The following SMC4 variants were observed in gnomAD, a reference collection of about 807,000 sequenced individuals.
SMC4 encodes structural maintenance of chromosomes 4, also known as structural maintenance of chromosomes protein 4.
A neutral mutation model predicts 145.6 loss-of-function variants in SMC4; 87 were observed. The ratio of observed to expected loss-of-function variants is 0.60; its 90% confidence interval spans 0.50 to 0.71. The LOEUF is 0.71. Ranked by LOEUF, SMC4 falls within the 30% of genes least tolerant of loss-of-function variation. The pLI, the probability that SMC4 is intolerant of heterozygous loss-of-function variation, is 0.00. For synonymous variants in SMC4, 558 were observed against 500.7 expected, an observed-to-expected ratio of 1.11 and a Z score of -1.53; for missense variants, 1,447 against 1,537.1, an observed-to-expected ratio of 0.94 and a Z score of 0.98.
chr3:160,405,314 T>C (rs1715206273), intron 5 of SMC4, among the ~76,000 whole-genome samples: 2 of 109,902 alleles, frequency 1.8e-5, no homozygotes, highest in Non-Finnish European at 3.9e-5. Context: ...ATTCAGAATT[T>C]TTCGGAAAAA....
chr3:160,430,619 ACT>A lies in SMC4; in HGVS notation c.2819_2820del (p.Ser940CysfsTer12), dbSNP rs766133356. ...TTTAGAAACCTTCAAAAGGCACAAG[ACT>A]CTGTCTTGCGTACAGAGAAAGAAAT... On this transcript the variant is annotated frameshift_variant, in exon 19 of 24. Transcript: ENST00000357388. LOFTEE classifies it high-confidence loss of function. 4.4e-6 allele frequency: 7 copies of A among 1,609,160 alleles called. No individual in the cohort carries two copies. Among genetic ancestry groups the A allele is most frequent in the South Asian group, 1.1e-5 (1 of 90,000 alleles).
chr3:160,414,513 A>G lies in SMC4; in HGVS notation c.1268A>G (p.Glu423Gly), dbSNP rs752869736. ...GAGAAACAACTTCAAAAAGATAAAG[A>G]AAAGGTAGGTGTTAGAAAAAAATTC... Reference protein sequence around the residue: ...KLEKQLQKDKEKVEEFKSIPA... With the variant: ...KLEKQLQKDKGKVEEFKSIPA... The change falls in exon 9 of 24, where the codon GAA (glutamate) becomes GGA (glycine). Residue 423 changes from glutamate (E) to glycine (G), a missense_variant. Physicochemically the swap from Glu to Gly is moderately conservative, Grantham distance 98. Transcript: ENST00000357388. 9.9e-6 allele frequency: 16 copies of G among 1,610,344 alleles called. No individual in the cohort carries two copies. The South Asian group carries it at 1.5e-4, about 16-fold the overall frequency.
At position 160,432,525 on chromosome 3, in the gene SMC4, T is replaced by C; in HGVS notation, c.3530+10T>C. On this transcript the variant is annotated intron_variant, in intron 22 of 23. Coordinates refer to ENST00000357388, the MANE Select transcript of SMC4 (RefSeq NM_001002800.3). ...AAGGAATCATGTTCAGGTGTGTAAT[T>C]ATGCTGAGTTTATAATCCCACTGTT... is the stretch of plus-strand genomic sequence containing the variant. 1 of 1,502,872 alleles carries C rather than the reference T, an allele frequency of 6.7e-7. No individual in the cohort carries two copies. Among genetic ancestry groups the C allele is most frequent in the Non-Finnish European group, 9.1e-7 (1 of 1,101,882 alleles). 93.1% of individuals were successfully genotyped at this position (1,502,872 alleles called of 1,614,324 possible). A position where few individuals can be genotyped will look rare whatever the true frequency, so the allele number is the denominator to read the frequency against.
intron 18 of SMC4, among the ~76,000 whole-genome samples, 170 bp from the exon 19 acceptor site, chr3:160,430,429 G>C (rs778996501): frequency 3.3e-5 from 5 of 152,100 alleles, no homozygotes; most frequent in African/African-American, 4.8e-5. Context: ...ATAAGTGTTT[G>C]TATAAACCTA....
In SMC4 at chr3:160,433,847, T is replaced by TAAGGGAAAAG; in HGVS notation, c.*38_*39insAAGGGAAAAG. ...AGATTCTTCAAGTTGATTCAGTGTA[T>TAAGGGAAAAG]TACTGATTTTTTTCTATTTGTAAAG... On this transcript the variant is annotated 3_prime_UTR_variant, in exon 24 of 24. Transcript: ENST00000357388. 6.7e-7 allele frequency: 1 copy of TAAGGGAAAAG among 1,501,452 alleles called. No individual in the cohort carries two copies. The highest frequency in any genetic ancestry group is 9.1e-7 in the Non-Finnish European group (1 of 1,100,302). The allele number at this position is 1,501,452 out of a possible 1,614,324, so 93.0% of individuals were successfully genotyped here.
chr3:160,426,369 A>T (rs1717797028), intron 17 of SMC4, among the ~76,000 whole-genome samples, 169 bp downstream of exon 17: 1 of 152,224 alleles, frequency 6.6e-6, no homozygotes, highest in Non-Finnish European at 1.5e-5. Context: ...TCATTTGACA[A>T]ATAAGGAAAC....
At chr3:160,408,004 A>G (rs1265192970) in intron 5 of SMC4, among the ~76,000 whole-genome samples, 1 of 152,196 alleles carries the variant, frequency 6.6e-6, no homozygotes, top group Non-Finnish European at 1.5e-5. Flanking sequence ...GAAGATAAAG[A>G]ACACTAATTT....
rs1300250346 is a variant in SMC4, at chr3:160,401,900, C to T, written c.140-15C>T. ...CGCCGTTTGCCTTCGTTTTCCTTTC[C>T]TTTCACTGACTTAGAGACTGCAAGT... is the stretch of plus-strand genomic sequence containing the variant. On this transcript the variant is annotated splice_polypyrimidine_tract_variant and intron_variant, in intron 2 of 23. Transcript: ENST00000357388. 8 of 1,571,854 alleles carry T rather than the reference C, an allele frequency of 5.1e-6. No homozygotes were observed. Among genetic ancestry groups the T allele is most frequent in the Non-Finnish European group, 6.9e-6 (8 of 1,165,454 alleles).
chr3:160,418,831 T>G lies in SMC4; in HGVS notation c.1672-527T>G, dbSNP rs546869467. Among the ~76,000 whole-genome samples the G allele has an allele frequency of 1.2e-4, 18 of 152,236 alleles. No individual in the cohort carries two copies. The South Asian group carries it at 3.5e-3, about 30-fold the overall frequency. ...AGAGGTTGTGTTTATGTGTGCATGT[T>G]TGTGGTTCCTTTCTTGTTGGGAGCC... On this transcript the variant is annotated intron_variant, in intron 11 of 23. Coordinates refer to ENST00000357388, the MANE Select transcript of SMC4 (RefSeq NM_001002800.3).
chr3:160,431,261 G>T (rs1423692378), intron 20 of SMC4, 56 bp downstream of exon 20: 1 of 1,429,968 alleles, frequency 7.0e-7, no homozygotes, highest in Non-Finnish European at 9.3e-7. Context: ...AAAAAGGAGG[G>T]TTTGGGGAGG....
chr3:160,432,003 C>T (rs924227155), intron 21 of SMC4, among the ~76,000 whole-genome samples, 178 bp downstream of exon 21: 16 of 152,298 alleles, frequency 1.1e-4, no homozygotes, highest in Middle Eastern at 3.4e-3. Context: ...GAGTTCGAGA[C>T]CAGCTGGGCC....
intron 3 of SMC4, 142 bp from the exon 4 acceptor site, chr3:160,402,534 G>T: frequency 5.3e-6 from 4 of 748,208 alleles, no homozygotes; most frequent in Non-Finnish European, 6.4e-6. Context: ...CAAGTCGTAT[G>T]CCTGTGATTA....
chr3:160,430,173 C>T (rs1177885111), intron 18 of SMC4, among the ~76,000 whole-genome samples: 2 of 69,880 alleles, frequency 2.9e-5, no homozygotes, highest in East Asian at 5.3e-4. Context: ...GTGTTTTGCT[C>T]AGAGATAAGG....
chr3:160,412,510 A>G, intron 7 of SMC4, 57 bp downstream of exon 7: 1 of 1,505,702 alleles, frequency 6.6e-7, no homozygotes, highest in South Asian at 1.3e-5. Flanking sequence ...CATTAAGTCA[A>G]AGCCCTTCTC....
chr3:160,416,225 T>C, intron 9 of SMC4, 26 bp from the exon 10 acceptor site: 3 of 1,509,354 alleles, frequency 2.0e-6, no homozygotes, highest in Non-Finnish European at 2.7e-6. Context: ...AGATGTATGC[T>C]CCTATAACTT....
intron 18 of SMC4, 111 bp from the exon 19 acceptor site, chr3:160,430,488 A>G (rs1478823520): frequency 1.0e-6 from 1 of 976,354 alleles, no homozygotes; most frequent in Non-Finnish European, 1.5e-6. Context: ...TTAAAAATAT[A>G]TGAATAGAAA....
intron 5 of SMC4, among the ~76,000 whole-genome samples, chr3:160,410,077 A>G (rs1210698340): frequency 6.6e-6 from 1 of 152,156 alleles, no homozygotes; most frequent in African/African-American, 2.4e-5. Context: ...CCCTGTCTCA[A>G]AAAAATAATA....
At chr3:160,411,294 C>G (rs1715966780) in intron 5 of SMC4, among the ~76,000 whole-genome samples, 1 of 152,068 alleles carries the variant, frequency 6.6e-6, no homozygotes, top group Non-Finnish European at 1.5e-5. Context: ...TCTGTTATTA[C>G]CATGAGAAAT....
chr3:160,413,737 C>T, intron 8 of SMC4, 124 bp downstream of exon 8: 1 of 590,584 alleles, frequency 1.7e-6, no homozygotes, highest in Middle Eastern at 5.0e-4. Context: ...AGTGGTGGCC[C>T]CCTTAGTGAA....
Sources: gnomAD v4.1 joint callset for allele counts (sites outside exome capture counted in the v4.1 genomes callset) on GRCh38, gnomAD v4.1.1 for gene constraint, MANE v1.5 for transcripts, NCBI Gene and HGNC (gene_info 2026-07-23, HGNC 2026-07-21) for gene names.